Variants in ADCY1 observed in about 807,000 individuals in gnomAD.
ADCY1 encodes the protein adenylate cyclase 1, also known as adenylate cyclase type 1.
ADCY1 carries 28 observed loss-of-function variants against 105.4 expected under a neutral mutation model. The ratio of observed to expected loss-of-function variants is 0.27; its 90% CI spans 0.20 to 0.36. The LOEUF (loss-of-function observed/expected upper bound fraction) is 0.36. ADCY1 is among the 10% of genes least tolerant of loss of function. The pLI, the probability that ADCY1 is intolerant of heterozygous loss-of-function variation, is 1.00. For synonymous variants in ADCY1, 655 were observed against 623.8 expected (o/e 1.05, Z -0.75); for missense variants, 977 against 1,434.2 (o/e 0.68, Z 5.15).
At chr7:45,687,640 C>A (rs982491984) in intron 14 of ADCY1, among the ~76,000 whole-genome samples, 1 of 152,228 alleles carries the variant, frequency 6.6e-6, no homozygotes, top group African/African-American at 2.4e-5. Context: ...TATTTTGACA[C>A]CTTAAGAATA....
intron 11 of ADCY1, among the ~76,000 whole-genome samples, chr7:45,682,845 T>G (rs1396086346): frequency 6.6e-6 from 1 of 152,078 alleles, no homozygotes; most frequent in African/African-American, 2.4e-5. Context: ...TAGGTGGCTT[T>G]GAAGAAAAGA....
At chr7:45,622,572 C>A in intron 3 of ADCY1, 60 bp from the exon 4 acceptor site, 1 of 1,214,420 alleles carries the variant, frequency 8.2e-7, no homozygotes, top group Non-Finnish European at 1.2e-6. Context: ...CTGTACATCT[C>A]TAGGGATTAT....
intron 8 of ADCY1, among the ~76,000 whole-genome samples, chr7:45,669,653 T>A (rs1183385098): frequency 1.3e-5 from 2 of 152,310 alleles, no homozygotes; most frequent in Middle Eastern, 3.4e-3. Flanking sequence ...CTGTTTCTGA[T>A]CCACCTAGGG....
rs1485700585 is a variant in ADCY1 at position 45,575,043 on chromosome 7, T to G, written c.500T>G (p.Leu167Arg). The change falls in exon 1 of 20, where the codon CTT becomes CGT. Residue 167 changes from leucine to arginine, a missense_variant. Physicochemically the swap from Leu to Arg is moderately radical, Grantham distance 102. This residue lies in a region of ADCY1 where 196 missense variants were observed against 347.8 expected (regional missense o/e 0.56). Transcript: ENST00000297323. This position sits in a 1 kb window ranked among gnomAD's most constrained non-coding sequence, Gnocchi z 4.7. ...GCCGAACAAGGGGTTTGGCAGCTCCTTTTGGTCACCTTCGTGTCCTATGCC... is the reference window on the plus strand; with the variant it reads ...GCCGAACAAGGGGTTTGGCAGCTCCGTTTGGTCACCTTCGTGTCCTATGCC... ...ATAEQGVWQL[L>R]LVTFVSYALL... is the part of the protein sequence containing the mutation. 1 of 1,612,376 alleles carries G rather than the reference T, an allele frequency of 6.2e-7. No homozygotes were observed. The highest frequency in any genetic ancestry group is 8.5e-7 in the Non-Finnish European group (1 of 1,179,794).
chr7:45,609,559 C>G (rs573012641), intron 2 of ADCY1, among the ~76,000 whole-genome samples: 2 of 152,306 alleles, frequency 1.3e-5, no homozygotes, highest in South Asian at 4.1e-4. Context: ...TTAAACTCTG[C>G]TCTTTTGCTT....
rs182104259 is a variant in ADCY1, at chr7:45,595,585, G to A, written c.789+2677G>A. Among the ~76,000 whole-genome samples the A allele has an allele frequency of 4.6e-5, 7 of 152,246 alleles. No homozygotes were observed. The East Asian group carries it at 5.8e-4, about 13-fold the overall frequency. On this transcript the variant is annotated intron_variant, in intron 2 of 19. Transcript: ENST00000297323. ...TTACATTCTGACTTTCCTGGCAGTC[G>A]GGTGAACTTCTCACTGTATAACAGA... is the stretch of plus-strand genomic sequence containing the variant.
intron 4 of ADCY1, among the ~76,000 whole-genome samples, chr7:45,634,231 T>C (rs1460396081): frequency 6.6e-6 from 1 of 152,166 alleles, no homozygotes; most frequent in Non-Finnish European, 1.5e-5. Flanking sequence ...TATTTGTGTT[T>C]TCTTGCCTTC....
intron 1 of ADCY1, among the ~76,000 whole-genome samples, chr7:45,590,884 G>C (rs897844860): frequency 3.5e-4 from 53 of 152,182 alleles, no homozygotes; most frequent in African/African-American, 1.3e-3. Flanking sequence ...CCAGTGTGTG[G>C]TGTTTAACGT....
chr7:45,644,052 C>A (rs1197411294), intron 4 of ADCY1, among the ~76,000 whole-genome samples: 6 of 152,258 alleles, frequency 3.9e-5, no homozygotes, highest in African/African-American at 1.4e-4. Context: ...GATAGCCAAA[C>A]ACTCCAGTCT....
At chr7:45,711,504 A>G (rs1473579064) in intron 19 of ADCY1, among the ~76,000 whole-genome samples, 1 of 151,390 alleles carries the variant, frequency 6.6e-6, no homozygotes, top group Non-Finnish European at 1.5e-5. Context: ...TAAGGTATAC[A>G]TTGAATTTGT....
At chr7:45,594,750 G>A (rs890228206) in intron 2 of ADCY1, among the ~76,000 whole-genome samples, 43 of 152,120 alleles carry the variant, frequency 2.8e-4, no homozygotes, top group Admixed American at 2.6e-3. Context: ...ACTCAGGGAG[G>A]CTCAGAAATG....
chr7:45,694,115 TAAAAAAAAAA>T (rs140981457), intron 14 of ADCY1, among the ~76,000 whole-genome samples: 1 of 115,454 alleles, frequency 8.7e-6, no homozygotes, highest in African/African-American at 3.3e-5. Context: ...TAGAGTATAA[TAAAAAAAAAA>T]AAAAAAAAAA....
chr7:45,632,423 A>C (rs1457134534), intron 4 of ADCY1, among the ~76,000 whole-genome samples: 1 of 152,248 alleles, frequency 6.6e-6, no homozygotes. Flanking sequence ...GAGGATTAAC[A>C]TTTAAAAAAT....
rs1785506135 is a variant in ADCY1, at chr7:45,723,028, C to CTTAA, written c.*9036_*9039dup. 1 of 152,536 alleles carries CTTAA rather than the reference C, an allele frequency of 6.6e-6. No individual in the cohort carries two copies. Among genetic ancestry groups the CTTAA allele is most frequent in the Non-Finnish European group, 1.5e-5 (1 of 68,026 alleles). 9.4% of individuals were successfully genotyped at this position (152,536 alleles called of 1,614,324 possible). ...AAATGTTAAATGTGAATGTACATTTCTTAATTGCAACTTTTCTACTGAGTG... is the reference window on the plus strand; with the variant it reads ...AAATGTTAAATGTGAATGTACATTTCTTAATTAATTGCAACTTTTCTACTGAGTG... On this transcript the variant is annotated 3_prime_UTR_variant, in exon 20 of 20. Coordinates refer to ENST00000297323, the MANE Select transcript of ADCY1 (RefSeq NM_021116.4).
At chr7:45,653,749 C>T (rs145840887) in intron 5 of ADCY1, among the ~76,000 whole-genome samples, 1 of 152,202 alleles carries the variant, frequency 6.6e-6, no homozygotes, top group Non-Finnish European at 1.5e-5. Context: ...GCTCATACCC[C>T]TCTCCTCTGA....
At chr7:45,598,898 G>A (rs1476919992) in intron 2 of ADCY1, among the ~76,000 whole-genome samples, 1 of 152,208 alleles carries the variant, frequency 6.6e-6, no homozygotes, top group Non-Finnish European at 1.5e-5. Flanking sequence ...TCACGTGGAC[G>A]GCAGGAAAAG....
chr7:45,617,355 C>A (rs1793765925), intron 3 of ADCY1, among the ~76,000 whole-genome samples: 2 of 152,072 alleles, frequency 1.3e-5, no homozygotes, highest in Non-Finnish European at 2.9e-5. Flanking sequence ...TGGGTGCGGG[C>A]TTGTATGGCC....
At chr7:45,672,703 A>AAT (rs1181261808) in intron 8 of ADCY1, among the ~76,000 whole-genome samples, 7 of 151,910 alleles carry the variant, frequency 4.6e-5, no homozygotes, top group South Asian at 2.1e-4. Flanking sequence ...GGATTTTTTT[A>AAT]ATATATATAT....
chr7:45,621,827 G>T (rs1442164089), intron 3 of ADCY1, among the ~76,000 whole-genome samples: 1 of 152,238 alleles, frequency 6.6e-6, no homozygotes, highest in Non-Finnish European at 1.5e-5. Context: ...GTGAATAAAT[G>T]ATTGGGACCC....
Sources: gnomAD v4.1 joint callset for allele counts (sites outside exome capture counted in the v4.1 genomes callset) on GRCh38, gnomAD v4.1.1 for gene constraint, gnomAD v4.1.1 regional missense constraint, Gnocchi (gnomAD v3.1) non-coding constraint, MANE v1.5 for transcripts, NCBI Gene and HGNC (gene_info 2026-07-23, HGNC 2026-07-21) for gene names.